Variants in TSC22D1 observed in about 807,000 individuals in gnomAD.
TSC22D1 encodes TSC22 domain family protein 1.
Under a neutral mutation model 74.2 loss-of-function variants are expected in TSC22D1, and 9 were observed. The ratio of observed to expected loss-of-function variants is 0.12; its 90% CI spans 0.07 to 0.21. TSC22D1 has a LOEUF of 0.21. Among genes scored for constraint, TSC22D1 ranks in the 10% least tolerant of loss-of-function variants. The pLI, the probability that TSC22D1 is intolerant of heterozygous loss-of-function variation, is 1.00. For missense variants in TSC22D1, 1,427 were observed against 1,304.7 expected (o/e 1.09, Z -1.44); for synonymous variants, 586 against 492.5 (o/e 1.19, Z -2.51).
chr13:44,565,363 G>C (rs1473696649), intron 1 of TSC22D1, among the ~76,000 whole-genome samples: 2 of 152,120 alleles, frequency 1.3e-5, no homozygotes, highest in Admixed American at 6.5e-5. Context: ...GTGTTTCAAG[G>C]AGGGCAAACA....
At chr13:44,514,814 C>T (rs1223846535) in intron 1 of TSC22D1, among the ~76,000 whole-genome samples, 1 of 152,028 alleles carries the variant, frequency 6.6e-6, no homozygotes, top group Admixed American at 6.5e-5. Flanking sequence ...GAGCCGAGAT[C>T]GCACCAATGC....
At chr13:44,521,026 G>T (rs963209997) in intron 1 of TSC22D1, among the ~76,000 whole-genome samples, 1 of 152,120 alleles carries the variant, frequency 6.6e-6, no homozygotes. Context: ...CAGTTTAAAT[G>T]ACTTGCCCAA....
At chr13:44,456,388 G>A (rs1876648085) in intron 1 of TSC22D1, among the ~76,000 whole-genome samples, 1 of 152,138 alleles carries the variant, frequency 6.6e-6, no homozygotes, top group African/African-American at 2.4e-5. Flanking sequence ...TTTTTACAGA[G>A]TGCTGATTGG....
chr13:44,514,186 C>CA (rs1254556566), intron 1 of TSC22D1, among the ~76,000 whole-genome samples: 2 of 151,040 alleles, frequency 1.3e-5, no homozygotes, highest in Admixed American at 6.6e-5. Flanking sequence ...AAGCCATCTG[C>CA]AAAAAAATAC....
chr13:44,528,327 C>G (rs1375426286), intron 1 of TSC22D1, among the ~76,000 whole-genome samples: 2 of 151,934 alleles, frequency 1.3e-5, no homozygotes, highest in East Asian at 3.9e-4. Context: ...TAAAAGAATA[C>G]AAACCAAGCT....
chr13:44,514,588 C>T (rs527446506), intron 1 of TSC22D1, among the ~76,000 whole-genome samples: 2 of 152,036 alleles, frequency 1.3e-5, no homozygotes, highest in African/African-American at 4.8e-5. Context: ...GGCCAGGTAC[C>T]GTGACTCACA....
chr13:44,478,894 A>AGTGTGT lies in TSC22D1; in HGVS notation c.2913-42805_2913-42800dup, dbSNP rs60733643. Among the ~76,000 whole-genome samples the AGTGTGT allele has an allele frequency of 1.9e-3, 281 of 150,158 alleles. 1 individual carries two copies. Among genetic ancestry groups the AGTGTGT allele is most frequent in the African/African-American group, 4.6e-3 (187 of 40,986 alleles). ...CTGATATATAAACAAACACACAGGT[A>AGTGTGT]GTGTGTGTGTGTGTGTGTGTATTTA... On this transcript the variant is annotated intron_variant, in intron 1 of 2. Transcript: ENST00000458659.
chr13:44,569,125 G>A (rs766386443), intron 1 of TSC22D1, among the ~76,000 whole-genome samples: 2 of 152,070 alleles, frequency 1.3e-5, no homozygotes, highest in Non-Finnish European at 2.9e-5. Flanking sequence ...AAGTTCTAGG[G>A]AATTTCCAAA....
chr13:44,516,705 G>A (rs777165240), intron 1 of TSC22D1, among the ~76,000 whole-genome samples: 1 of 152,168 alleles, frequency 6.6e-6, no homozygotes, highest in Non-Finnish European at 1.5e-5. Context: ...AATCCATTAA[G>A]CAGAAGAAAT....
At position 44,575,131 on chromosome 13, in the gene TSC22D1, T is replaced by G. The variant is rs1209967048; in HGVS notation, c.944A>C (p.Asn315Thr). The G allele has an allele frequency of 6.2e-7, 1 of 1,614,056 alleles. No homozygotes were observed. The highest frequency in any genetic ancestry group is 1.7e-5 in the Admixed American group (1 of 60,010). ...ACTACCCACAGCAGTAATGTTAACA[T>G]TATTTACTGTACTAGTGCCAGTAAC... ...NSVTGTSTVN[N>T]VNITAVGSFN... is the part of the protein sequence containing the mutation. The change falls in exon 1 of 3, where the codon AAT becomes ACT. Residue 315 changes from asparagine to threonine, a missense_variant. Physicochemically the swap from Asn to Thr is moderately conservative, Grantham distance 65. This residue lies in a region of TSC22D1 where 1,343 missense variants were observed against 1,191.5 expected (regional missense o/e 1.13). Transcript: ENST00000458659.
At chr13:44,517,333 AAC>A (rs3046042) in intron 1 of TSC22D1, among the ~76,000 whole-genome samples, 3,244 of 148,684 alleles carry the variant, frequency 0.022, 99 homozygotes, top group African/African-American at 0.07. Context: ...ACAAAAACAA[AAC>A]ACACACACAC....
intron 1 of TSC22D1, among the ~76,000 whole-genome samples, chr13:44,463,932 G>C (rs1877129963): frequency 1.3e-5 from 2 of 152,160 alleles, no homozygotes; most frequent in South Asian, 4.1e-4. Context: ...TAAGAACTGA[G>C]GTGCTTCCTG....
intron 1 of TSC22D1, chr13:44,436,465 A>T: frequency 6.2e-7 from 1 of 1,605,050 alleles, no homozygotes; most frequent in South Asian, 1.1e-5. Flanking sequence ...TAAGTATCCC[A>T]CGAATAAATT....
intron 1 of TSC22D1, among the ~76,000 whole-genome samples, chr13:44,459,927 G>A (rs1876906571): frequency 6.6e-6 from 1 of 152,144 alleles, no homozygotes; most frequent in Non-Finnish European, 1.5e-5. Flanking sequence ...TCCTTGGCAG[G>A]CATGGGATCC....
chr13:44,512,515 T>TC (rs1445283793), intron 1 of TSC22D1, among the ~76,000 whole-genome samples: 7 of 152,084 alleles, frequency 4.6e-5, no homozygotes, highest in Non-Finnish European at 1.0e-4. Flanking sequence ...TAGTGTTTCC[T>TC]CTGTAAACCT....
chr13:44,439,479 G>A (rs1875012664), intron 1 of TSC22D1, among the ~76,000 whole-genome samples: 1 of 152,202 alleles, frequency 6.6e-6, no homozygotes, highest in Non-Finnish European at 1.5e-5. Flanking sequence ...TGGCACAAAT[G>A]GCTAGAATTA....
chr13:44,495,904 T>C (rs1878951163), intron 1 of TSC22D1, among the ~76,000 whole-genome samples: 1 of 152,196 alleles, frequency 6.6e-6, no homozygotes, highest in South Asian at 2.1e-4. Flanking sequence ...GAGCAAAACA[T>C]AGAGTGTATA....
intron 1 of TSC22D1, among the ~76,000 whole-genome samples, chr13:44,557,020 G>C (rs1397346359): frequency 2.6e-5 from 4 of 151,986 alleles, no homozygotes; most frequent in African/African-American, 9.7e-5. Flanking sequence ...GTGCATGCCT[G>C]TAATCCCAGC....
intron 1 of TSC22D1, among the ~76,000 whole-genome samples, chr13:44,485,313 C>A (rs9595134): frequency 0.36 from 54,879 of 151,802 alleles, 9,995 homozygotes; most frequent in Non-Finnish European, 0.39. Context: ...AATAGTGACT[C>A]CAGCTATGAA....
Sources: allele counts gnomAD v4.1 joint callset (sites outside exome capture counted in the v4.1 genomes callset), GRCh38; gene constraint gnomAD v4.1.1; regional missense constraint gnomAD v4.1.1; transcripts MANE v1.5; gene names NCBI Gene and HGNC (gene_info 2026-07-23, HGNC 2026-07-21).